Variants in MUC17 observed in about 807,000 individuals in gnomAD.
The protein encoded by MUC17 is mucin 17, cell surface associated, also known as mucin-17.
Under a neutral mutation model 170.3 loss-of-function variants are expected in MUC17, and 190 were observed. The ratio of observed to expected loss-of-function variants is 1.12; its 90% CI spans 0.99 to 1.26. MUC17 has a LOEUF of 1.26. MUC17 is among the 50% of genes most tolerant of loss of function. The pLI is 0.00. For synonymous variants in MUC17, 2,325 were observed against 2,002.5 expected (o/e 1.16, Z -4.30); for missense variants, 6,415 against 5,530.0 (o/e 1.16, Z -5.08).
intron 3 of MUC17, among the ~76,000 whole-genome samples, chr7:101,044,304 C>T (rs111277782): frequency 0.013 from 1,966 of 152,172 alleles, 27 homozygotes; most frequent in Non-Finnish European, 0.013. Context: ...AACACATTTA[C>T]GAGAAAAAAA....
At chr7:101,028,216 G>T (rs1330165689) in intron 1 of MUC17, among the ~76,000 whole-genome samples, 1 of 149,630 alleles carries the variant, frequency 6.7e-6, no homozygotes, top group East Asian at 2.0e-4. Flanking sequence ...TCAGCCTCCC[G>T]AGTAGCTGGG....
Position 101,042,453 on chromosome 7 carries a change from TGA to T in MUC17, c.11038_11039del (p.Glu3680ArgfsTer10). The T allele has an allele frequency of 1.9e-6, 3 of 1,614,042 alleles. No individual in the cohort carries two copies. Among genetic ancestry groups the T allele is most frequent in the Middle Eastern group, 1.7e-4 (1 of 6,060 alleles). On this transcript the variant is annotated frameshift_variant, in exon 3 of 13. Coordinates refer to ENST00000306151, the MANE Select transcript of MUC17 (RefSeq NM_001040105.2). LOFTEE classifies it high-confidence loss of function. ...TQVSSSPVTPEGTTMPIWTPS... is the reference protein window; with the variant it reads ...TQVSSSPVTPXGTTMPIWTPS... Reference sequence around the variant, plus strand: ...AAGTCAGTTCATCTCCTGTGACTCCTGAAGGTACCACCATGCCAATCTGGACG... The same window carrying T: ...AAGTCAGTTCATCTCCTGTGACTCCTAGGTACCACCATGCCAATCTGGACG...
chr7:101,034,158 G>T lies in MUC17; in HGVS notation c.2742G>T (p.Met914Ile), dbSNP rs1449410172. 1 of 1,583,310 alleles carries T rather than the reference G, an allele frequency of 6.3e-7. No homozygotes were observed. Among genetic ancestry groups the T allele is most frequent in the Admixed American group, 1.7e-5 (1 of 58,252 alleles). The change falls in exon 3 of 13, where the codon ATG (methionine) becomes ATT (isoleucine). Residue 914 changes from methionine to isoleucine, a missense_variant. Coordinates refer to ENST00000306151, the MANE Select transcript of MUC17 (RefSeq NM_001040105.2). ...SSPTTSEGTS[M>I]PTSTPGEGST... Reference sequence around the variant, plus strand: ...CTACAACTTCTGAAGGTACCAGCATGCCAACCTCAACTCCTGGGGAAGGAA... The same window carrying T: ...CTACAACTTCTGAAGGTACCAGCATTCCAACCTCAACTCCTGGGGAAGGAA...
In MUC17 at chr7:101,033,739, A is replaced by G; in HGVS notation, c.2323A>G (p.Ser775Gly). The G allele has an allele frequency of 6.2e-7, 1 of 1,613,902 alleles. No individual in the cohort carries two copies. The highest frequency in any genetic ancestry group is 8.5e-7 in the Non-Finnish European group (1 of 1,179,850). ...STLSTTPLDT[S>G]THITTSTEAS... is the part of the protein sequence containing the mutation. ...CCTTTCAACAACTCCTCTTGACACA[A>G]GCACACATATCACCACTTCTACTGA... is the stretch of plus-strand genomic sequence containing the variant. Residue 775 changes from serine to glycine, a missense_variant, in exon 3 of 13, where the codon AGC (serine) becomes GGC (glycine). Transcript: ENST00000306151.
chr7:101,025,011 A>G (rs534439633), intron 1 of MUC17, among the ~76,000 whole-genome samples: 1 of 151,896 alleles, frequency 6.6e-6, no homozygotes, highest in Admixed American at 6.5e-5. Context: ...ACAGACGGAG[A>G]CCACGTCTCT....
chr7:101,038,702 C>A lies in MUC17; in HGVS notation c.7286C>A (p.Thr2429Asn), dbSNP rs757702470. 2 of 1,613,444 alleles carry A rather than the reference C, an allele frequency of 1.2e-6. No homozygotes were observed. The highest frequency in any genetic ancestry group is 1.1e-5 in the South Asian group (1 of 91,030). The stretch of plus-strand genomic sequence containing the variant: ...CCTGTTGACACCAGCACACCTGTCA[C>A]CACTTCTACTGAAGCCAGTTCATCT... ...TTPVDTSTPV[T>N]TSTEASSSPT... is the part of the protein sequence containing the mutation. Residue 2429 changes from threonine (T) to asparagine (N), a missense_variant, in exon 3 of 13, where the codon ACC (threonine) becomes AAC (asparagine). Thr to Asn is a moderately conservative substitution (Grantham distance 65). Transcript: ENST00000306151.
In MUC17 at chr7:101,056,259, C is replaced by T. The variant is rs756498660; in HGVS notation, c.13429C>T (p.Pro4477Ser). 1 of 1,613,784 alleles carries T rather than the reference C, an allele frequency of 6.2e-7. No individual in the cohort carries two copies. The highest frequency in any genetic ancestry group is 1.7e-5 in the Admixed American group (1 of 59,994). The change falls in exon 12 of 13, where the codon CCT becomes TCT. Residue 4477 changes from proline to serine, a missense_variant. Pro to Ser is a moderately conservative substitution (Grantham distance 74, BLOSUM62 -1). Transcript: ENST00000306151. ...NFQPSLRHID[P>S]ETKIRIQRPQ... ...CCAGCCCTCCTTGAGACACATAGACCCTGAAACAAAGGTAAGAAGGGCCTG... is the reference window on the plus strand; with the variant it reads ...CCAGCCCTCCTTGAGACACATAGACTCTGAAACAAAGGTAAGAAGGGCCTG...
rs565675815 is a variant in MUC17, at chr7:101,033,923, C to T, written c.2507C>T (p.Pro836Leu). The T allele has an allele frequency of 5.6e-5, 90 of 1,613,710 alleles. No homozygotes were observed. The South Asian group carries it at 9.8e-4, about 18-fold the overall frequency. Reference protein sequence around the residue: ...LSTTPVDSNSPVTTSTEVSSS... With the variant: ...LSTTPVDSNSLVTTSTEVSSS... Reference sequence around the variant, plus strand: ...ACAACTCCTGTTGACTCCAACAGTCCTGTGACCACTTCTACTGAAGTCAGT... The same window carrying T: ...ACAACTCCTGTTGACTCCAACAGTCTTGTGACCACTTCTACTGAAGTCAGT... Residue 836 changes from proline (P) to leucine (L), a missense_variant, in exon 3 of 13, where the codon CCT (proline) becomes CTT (leucine). Coordinates refer to ENST00000306151, the MANE Select transcript of MUC17 (RefSeq NM_001040105.2).
Position 101,039,286 on chromosome 7 carries a change from C to T in MUC17, c.7870C>T (p.Pro2624Ser), listed in dbSNP as rs369958596. ...TACAACTGCAAAAGATACCAGCATG[C>T]CAATCTCAACTCCTAGTGAAGTAAG... ...SPTTAKDTSM[P>S]ISTPSEVSTS... Residue 2624 changes from proline to serine, a missense_variant, in exon 3 of 13, where the codon CCA (proline) becomes TCA (serine). Pro to Ser is a moderately conservative substitution (Grantham distance 74). Transcript: ENST00000306151. 4.5e-5 allele frequency: 73 copies of T among 1,613,142 alleles called. No homozygotes were observed. The highest frequency in any genetic ancestry group is 5.8e-5 in the Non-Finnish European group (69 of 1,179,700).
At chr7:101,046,397 T>A (rs1369661540) in intron 3 of MUC17, among the ~76,000 whole-genome samples, 1 of 152,212 alleles carries the variant, frequency 6.6e-6, no homozygotes, top group African/African-American at 2.4e-5. Context: ...TCCAGGTTGA[T>A]TGGCACAGAT....
intron 1 of MUC17, among the ~76,000 whole-genome samples, chr7:101,022,762 G>A (rs1275355099): frequency 1.3e-5 from 2 of 152,066 alleles, no homozygotes; most frequent in Non-Finnish European, 2.9e-5. Flanking sequence ...GCTGCAGTGA[G>A]CTGTGATTGC....
chr7:101,036,152 C>CT lies in MUC17; in HGVS notation c.4737dup (p.Val1580CysfsTer10), dbSNP rs772644763. 6.2e-7 allele frequency: 1 copy of CT among 1,614,040 alleles called. No homozygotes were observed. The highest frequency in any genetic ancestry group is 1.3e-5 in the African/African-American group (1 of 74,990). ...GGAAGCACTCCACTAACAAGTTTGC[C>CT]TGTCAGCACCATGCTGGTGGTCAGT... On this transcript the variant is annotated frameshift_variant, in exon 3 of 13. Transcript: ENST00000306151. LOFTEE classifies it high-confidence loss of function.
In MUC17 at chr7:101,039,704, T is replaced by A; in HGVS notation, c.8288T>A (p.Val2763Glu). Residue 2763 changes from valine (V) to glutamate (E), a missense_variant, in exon 3 of 13, where the codon GTG becomes GAG. Val to Glu is a moderately radical substitution (Grantham distance 121, BLOSUM62 -2). Transcript: ENST00000306151. ...LTSILVSTLP[V>E]ASSEASTVST... Reference sequence around the variant, plus strand: ...AGTATACTTGTCAGCACCCTGCCAGTGGCCAGTTCTGAGGCTAGCACCGTT... The same window carrying A: ...AGTATACTTGTCAGCACCCTGCCAGAGGCCAGTTCTGAGGCTAGCACCGTT... 6.2e-7 allele frequency: 1 copy of A among 1,613,336 alleles called. No individual in the cohort carries two copies. Among genetic ancestry groups the A allele is most frequent in the Non-Finnish European group, 8.5e-7 (1 of 1,179,652 alleles).
At position 101,039,008 on chromosome 7, in the gene MUC17, A is replaced by C. The variant is rs1794591711; in HGVS notation, c.7592A>C (p.Glu2531Ala). 6.2e-7 allele frequency: 1 copy of C among 1,613,974 alleles called. No homozygotes were observed. Among genetic ancestry groups the C allele is most frequent in the African/African-American group, 1.3e-5 (1 of 74,922 alleles). Reference protein sequence around the residue: ...PVSTTPVASPEASTLSTTPVD... With the variant: ...PVSTTPVASPAASTLSTTPVD... The stretch of plus-strand genomic sequence containing the variant: ...AGCACCACGCCAGTGGCCAGTCCTG[A>C]GGCTAGCACCCTTTCAACAACTCCT... Residue 2531 changes from glutamate to alanine, a missense_variant, in exon 3 of 13, where the codon GAG becomes GCG. Glu to Ala is a moderately radical substitution (Grantham distance 107, BLOSUM62 -1). Coordinates refer to ENST00000306151, the MANE Select transcript of MUC17 (RefSeq NM_001040105.2).
In MUC17 at chr7:101,041,324, C is replaced by A. The variant is rs1794694655; in HGVS notation, c.9908C>A (p.Thr3303Lys). The A allele has an allele frequency of 6.2e-7, 1 of 1,611,332 alleles. No homozygotes were observed. Among genetic ancestry groups the A allele is most frequent in the South Asian group, 1.1e-5 (1 of 90,860 alleles). Residue 3303 changes from threonine (T) to lysine (K), a missense_variant, in exon 3 of 13, where the codon ACA becomes AAA. Physicochemically the swap from Thr to Lys is moderately conservative, Grantham distance 78. Coordinates refer to ENST00000306151, the MANE Select transcript of MUC17 (RefSeq NM_001040105.2). ...VASSETSTLS[T>K]TPADTSTPVT... ...AGTTCTGAAACGAGCACCCTTTCAA[C>A]AACTCCTGCTGACACCAGCACACCT...
At chr7:101,025,567 G>A (rs578029092) in intron 1 of MUC17, among the ~76,000 whole-genome samples, 53 of 152,204 alleles carry the variant, frequency 3.5e-4, no homozygotes, top group African/African-American at 9.9e-4. Flanking sequence ...CAAGGCGGGC[G>A]GATTGCATGA....
intron 4 of MUC17, among the ~76,000 whole-genome samples, chr7:101,048,558 T>C (rs1477155060): frequency 6.7e-6 from 1 of 148,194 alleles, no homozygotes; most frequent in East Asian, 2.0e-4. Flanking sequence ...ATCTCACCAC[T>C]GCACTCCAGC....
chr7:101,033,205 T>C lies in MUC17; in HGVS notation c.1789T>C (p.Ser597Pro), dbSNP rs776594577. The C allele has an allele frequency of 6.2e-7, 1 of 1,612,126 alleles. No homozygotes were observed. Among genetic ancestry groups the C allele is most frequent in the Non-Finnish European group, 8.5e-7 (1 of 1,179,494 alleles). The change falls in exon 3 of 13, where the codon TCC becomes CCC. Residue 597 changes from serine (S) to proline (P), a missense_variant. Physicochemically the swap from Ser to Pro is moderately conservative, Grantham distance 74. Transcript: ENST00000306151. ...CACCACTTCAACAACTCCTGCTGAC[T>C]CCAACACTTTTGTGACCACTTCTAG... The part of the protein sequence containing the change: ...ASTTSTTPAD[S>P]NTFVTTSSEA...
chr7:101,037,619 C>T lies in MUC17; in HGVS notation c.6203C>T (p.Pro2068Leu). 1.2e-6 allele frequency: 2 copies of T among 1,614,038 alleles called. No homozygotes were observed. Among genetic ancestry groups the T allele is most frequent in the South Asian group, 2.2e-5 (2 of 91,070 alleles). The part of the protein sequence containing the change: ...SSEGNTLSTT[P>L]VDSKTQVTNS... ...GAGGGTAACACCCTTTCAACAACTCCTGTTGACTCCAAAACTCAGGTGACC... is the reference window on the plus strand; with the variant it reads ...GAGGGTAACACCCTTTCAACAACTCTTGTTGACTCCAAAACTCAGGTGACC... The change falls in exon 3 of 13, where the codon CCT becomes CTT. Residue 2068 changes from proline to leucine, a missense_variant. Physicochemically the swap from Pro to Leu is moderately conservative, Grantham distance 98 (BLOSUM62 -3). Coordinates refer to ENST00000306151, the MANE Select transcript of MUC17 (RefSeq NM_001040105.2).
Sources: allele counts gnomAD v4.1 joint callset (sites outside exome capture counted in the v4.1 genomes callset), GRCh38; gene constraint gnomAD v4.1.1; transcripts MANE v1.5; gene names NCBI Gene and HGNC (gene_info 2026-07-23, HGNC 2026-07-21).